Variants in BICRAL observed in about 807,000 individuals in gnomAD.
BICRAL encodes BRD4-interacting chromatin-remodeling complex-associated protein-like.
Under a neutral mutation model 91.8 loss-of-function variants are expected in BICRAL, and 8 were observed. That is an observed-to-expected ratio of 0.09 (90% CI 0.05 to 0.16). The LOEUF is 0.16. Ranked by LOEUF, BICRAL falls within the 10% of genes least tolerant of loss-of-function variation. BICRAL has a pLI of 1.00. For synonymous variants in BICRAL, 445 were observed against 491.1 expected, an observed-to-expected ratio of 0.91 and a Z score of 1.24; for missense variants, 1,038 against 1,310.9, an observed-to-expected ratio of 0.79 and a Z score of 3.21.
chr6:42,775,953 A>C (rs569056689), intron 1 of BICRAL, among the ~76,000 whole-genome samples: 5 of 152,336 alleles, frequency 3.3e-5, no homozygotes, highest in African/African-American at 4.8e-5. Context: ...TAACAACAAC[A>C]ACCACAACAA....
At chr6:42,817,128 TACAC>T (rs1764015717) in intron 2 of BICRAL, among the ~76,000 whole-genome samples, 1 of 151,506 alleles carries the variant, frequency 6.6e-6, no homozygotes, top group Non-Finnish European at 1.5e-5. Flanking sequence ...TCTATACATT[TACAC>T]ACACACATCA....
chr6:42,773,741 C>T (rs1224724981), intron 1 of BICRAL, among the ~76,000 whole-genome samples: 2 of 152,224 alleles, frequency 1.3e-5, no homozygotes, highest in African/African-American at 4.8e-5. Context: ...TCTCAAACTC[C>T]TGACCTCAGG....
At chr6:42,753,698 G>A (rs942808396) in intron 1 of BICRAL, among the ~76,000 whole-genome samples, 7 of 152,080 alleles carry the variant, frequency 4.6e-5, no homozygotes, top group African/African-American at 1.2e-4. Context: ...TGCAACCCCC[G>A]CCTCCTGGGT....
chr6:42,827,153 C>G (rs1351078608), intron 5 of BICRAL, among the ~76,000 whole-genome samples: 2 of 152,192 alleles, frequency 1.3e-5, no homozygotes, highest in African/African-American at 2.4e-5. Flanking sequence ...CATTAGTTGA[C>G]TATACTGTTG....
chr6:42,752,878 C>T (rs1287251281), intron 1 of BICRAL, among the ~76,000 whole-genome samples: 1 of 148,528 alleles, frequency 6.7e-6, no homozygotes. Flanking sequence ...GCTGGGATTA[C>T]AGGTGTGAGC....
At chr6:42,788,038 A>G (rs1474226721) in intron 1 of BICRAL, among the ~76,000 whole-genome samples, 9 of 151,990 alleles carry the variant, frequency 5.9e-5, no homozygotes, top group Non-Finnish European at 1.3e-4. Context: ...CTGGGACCAC[A>G]GGTGTGCACC....
At chr6:42,841,204 T>G (rs1326364787) in intron 6 of BICRAL, among the ~76,000 whole-genome samples, 9 of 144,276 alleles carry the variant, frequency 6.2e-5, no homozygotes, top group Admixed American at 2.7e-4. Context: ...TTTTTTTTTT[T>G]TTTGAGATGG....
chr6:42,841,477 C>T (rs922975339), intron 6 of BICRAL, among the ~76,000 whole-genome samples: 2 of 152,078 alleles, frequency 1.3e-5, no homozygotes, highest in Non-Finnish European at 2.9e-5. Context: ...GTGAGCCACG[C>T]TGCCCTGCCA....
Position 42,828,620 on chromosome 6 carries a change from A to T in BICRAL, c.287A>T (p.Asp96Val). ...EDELESSPLP[D>V]LTEDQPFDIL... ...GAACTCGAGTCTTCTCCTCTTCCTG[A>T]TCTCACTGAGGACCAACCTTTCGAC... Residue 96 changes from aspartate (D) to valine (V), a missense_variant, in exon 6 of 13, where the codon GAT (aspartate) becomes GTT (valine). Physicochemically the swap from Asp to Val is radical, Grantham distance 152. This residue lies in a region of BICRAL where 115 missense variants were observed against 121.5 expected (regional missense o/e 0.95). Coordinates refer to ENST00000314073, the MANE Select transcript of BICRAL (RefSeq NM_001393499.1). 3 of 1,613,996 alleles carry T rather than the reference A, an allele frequency of 1.9e-6. No homozygotes were observed.
intron 1 of BICRAL, among the ~76,000 whole-genome samples, chr6:42,761,322 GGCAC>G (rs1762544164): frequency 6.6e-6 from 1 of 152,018 alleles, no homozygotes; most frequent in Non-Finnish European, 1.5e-5. Flanking sequence ...TGGGCATGGT[GGCAC>G]GCACCTGTAA....
intron 6 of BICRAL, among the ~76,000 whole-genome samples, chr6:42,839,093 G>A (rs1163506216): frequency 6.6e-6 from 1 of 151,994 alleles, no homozygotes; most frequent in Non-Finnish European, 1.5e-5. Flanking sequence ...CCAGCTACTT[G>A]GGACGCTGAG....
At chr6:42,847,780 G>A (rs1367306621) in intron 6 of BICRAL, among the ~76,000 whole-genome samples, 2 of 151,570 alleles carry the variant, frequency 1.3e-5, no homozygotes. Flanking sequence ...AAAATTAGCC[G>A]GGTGTGGTGC....
At chr6:42,844,411 A>C (rs1764920020) in intron 6 of BICRAL, among the ~76,000 whole-genome samples, 1 of 145,188 alleles carries the variant, frequency 6.9e-6, no homozygotes, top group Non-Finnish European at 1.5e-5. Context: ...CGGGAGGCTG[A>C]GGCAGGAGAA....
At chr6:42,801,265 AAAG>A (rs1256427016) in intron 1 of BICRAL, among the ~76,000 whole-genome samples, 2 of 151,714 alleles carry the variant, frequency 1.3e-5, no homozygotes, top group African/African-American at 4.8e-5. Flanking sequence ...AAAAAAAAAA[AAAG>A]AGAGCGAGAG....
chr6:42,823,164 C>T (rs1582845928), intron 5 of BICRAL, among the ~76,000 whole-genome samples, 161 bp downstream of exon 5: 1 of 152,250 alleles, frequency 6.6e-6, no homozygotes, highest in Non-Finnish European at 1.5e-5. Flanking sequence ...CTCACTCTGT[C>T]GCCCAGACTG....
Position 42,829,878 on chromosome 6 carries a change from G to A in BICRAL, c.1545G>A (p.Gln515=), listed in dbSNP as rs369217530. The change falls in exon 6 of 13, where the codon CAG becomes CAA. Residue 515 remains glutamine, a synonymous_variant. Transcript: ENST00000314073. Reference sequence around the variant, plus strand: ...CTGTATTACACCTGTCACCTGGGCAGAGCAGCGTTTCCCAAGGAAGACCTG... The same window carrying A: ...CTGTATTACACCTGTCACCTGGGCAAAGCAGCGTTTCCCAAGGAAGACCTG... ...SPTVLHLSPG[Q]SSVSQGRPGF... The A allele has an allele frequency of 7.0e-5, 113 of 1,614,218 alleles. No homozygotes were observed. Among genetic ancestry groups the A allele is most frequent in the Admixed American group, 5.7e-4 (34 of 60,032 alleles).
At chr6:42,774,613 T>A (rs1320088514) in intron 1 of BICRAL, among the ~76,000 whole-genome samples, 2 of 146,632 alleles carry the variant, frequency 1.4e-5, no homozygotes, top group Admixed American at 1.4e-4. Context: ...GAGAGAGATA[T>A]ATAAACATTT....
At position 42,854,172 on chromosome 6, in the gene BICRAL, C is replaced by T. The variant is rs978838722; in HGVS notation, c.2046+434C>T. ...GTAGGCCATCCCTACGGTCTTTTGA[C>T]CCAACTTTGACACTTTTTAAAGTCC... On this transcript the variant is annotated intron_variant, in intron 8 of 12. Transcript: ENST00000314073. Among the ~76,000 whole-genome samples, 7 of 152,170 alleles carry T rather than the reference C, an allele frequency of 4.6e-5. No homozygotes were observed. The East Asian group carries it at 1.4e-3, about 29-fold the overall frequency.
At chr6:42,861,320 A>C (rs1299112411) in intron 11 of BICRAL, among the ~76,000 whole-genome samples, 2 of 152,204 alleles carry the variant, frequency 1.3e-5, no homozygotes, top group Admixed American at 1.3e-4. Context: ...TCAAAAATAA[A>C]TAAATAAATG....
Sources: gnomAD v4.1 joint callset for allele counts (sites outside exome capture counted in the v4.1 genomes callset) on GRCh38, gnomAD v4.1.1 for gene constraint, gnomAD v4.1.1 regional missense constraint, MANE v1.5 for transcripts, NCBI Gene and HGNC (gene_info 2026-07-23, HGNC 2026-07-21) for gene names.